The following ZNF841 variants were observed in gnomAD, a reference collection of about 807,000 sequenced individuals.
ZNF841 encodes the protein zinc finger protein 841.
In ZNF841, 11 loss-of-function variants were observed where a neutral mutation model predicts 13.0. The observed-to-expected ratio is 0.85, with a 90% CI of 0.53 to 1.40. The LOEUF (loss-of-function observed/expected upper bound fraction) is 1.40. Among genes scored for constraint, ZNF841 ranks in the 40% most tolerant of loss-of-function variants. ZNF841 has a pLI of 0.00. For missense variants in ZNF841, 1,068 were observed against 1,139.5 expected (o/e 0.94, Z 0.90); for synonymous variants, 369 against 381.6 (o/e 0.97, Z 0.38).
Position 52,066,151 on chromosome 19 carries a change from G to A in ZNF841, c.1731C>T (p.Val577=). The part of the protein sequence containing the change: ...KPLHCNKCGM[V]FTYYSCLARH... ...GTGCTAGGCATGAATAGTAAGTGAA[G>A]ACCATGCCACATTTATTACAATGGA... is the stretch of plus-strand genomic sequence containing the variant. The change falls in exon 7 of 7, where the codon GTC becomes GTT. Residue 577 remains valine (V), a synonymous_variant. Coordinates refer to ENST00000594440, the MANE Select transcript of ZNF841 (RefSeq NM_001136499.2). 1.2e-6 allele frequency: 2 copies of A among 1,613,898 alleles called. No individual in the cohort carries two copies. The highest frequency in any genetic ancestry group is 2.2e-5 in the East Asian group (1 of 44,870).
chr19:52,062,516 C>T (rs116944989), downstream of ZNF841, among the ~76,000 whole-genome samples: 4,010 of 152,210 alleles, frequency 0.026, 76 homozygotes, highest in Non-Finnish European at 0.043. Context: ...TTCCAGAAAA[C>T]ATGGATATGA....
Position 52,066,811 on chromosome 19 carries a change from A to C in ZNF841, c.1071T>G (p.Ser357Arg), listed in dbSNP as rs1200621627. The C allele has an allele frequency of 3.1e-6, 5 of 1,613,908 alleles. No individual in the cohort carries two copies. In the African/African-American group the frequency reaches 6.7e-5, roughly 22 times the overall value. ...TTCTCTGATGAACTGCAAGGTGGGA[A>C]CTTTTACTAAAGGACTTGCCACATT... ...CNECGKSFSK[S>R]SHLAVHQRIH... Residue 357 changes from serine to arginine, a missense_variant, in exon 7 of 7, where the codon AGT (serine) becomes AGG (arginine). Transcript: ENST00000594440.
rs182211654 is a variant in ZNF841 at position 52,077,995 on chromosome 19, A to G, written c.16-911T>C. 2.6e-5 allele frequency among the ~76,000 whole-genome samples: 4 copies of G among 152,324 alleles called. No individual in the cohort carries two copies. In the East Asian group the frequency reaches 7.7e-4, roughly 29 times the overall value. On this transcript the variant is annotated intron_variant, in intron 4 of 6. Transcript: ENST00000594440. ...GTTCAAGATTAACTTGGAACCGCAT[A>G]AAGGATCATTATATAGGCTAGGCGT...
At chr19:52,087,407 C>G (rs993177255) in intron 3 of ZNF841, among the ~76,000 whole-genome samples, 1 of 152,104 alleles carries the variant, frequency 6.6e-6, no homozygotes, top group Non-Finnish European at 1.5e-5. Context: ...TGTTGTTTCC[C>G]TCTATGTGTC....
chr19:52,059,368 A>AT, the ZNF841 span, among the ~76,000 whole-genome samples: 140 of 90,310 alleles, frequency 1.6e-3, no homozygotes, highest in African/African-American at 3.1e-3. Flanking sequence ...AAAAAAAAAA[A>AT]AAATATATAT....
intron 4 of ZNF841, among the ~76,000 whole-genome samples, chr19:52,078,674 G>C (rs1456639507): frequency 6.7e-6 from 1 of 149,498 alleles, no homozygotes; most frequent in African/African-American, 2.5e-5. Context: ...ACTCCAGCCT[G>C]GGTGACAGAG....
At chr19:52,069,731 C>T (rs1047304654) in intron 6 of ZNF841, among the ~76,000 whole-genome samples, 1 of 152,128 alleles carries the variant, frequency 6.6e-6, no homozygotes, top group African/African-American at 2.4e-5. Flanking sequence ...AGCCATGGCA[C>T]ACCAGAAAAA....
chr19:52,063,322 C>A (rs867497701), downstream of ZNF841, among the ~76,000 whole-genome samples: 1 of 152,052 alleles, frequency 6.6e-6, no homozygotes, highest in Admixed American at 6.6e-5. Context: ...TGTATAAATT[C>A]TCTCAAACTC....
intron 4 of ZNF841, 149 bp downstream of exon 4, chr19:52,084,638 G>A (rs1466843623): frequency 4.9e-5 from 40 of 821,290 alleles, no homozygotes; most frequent in Non-Finnish European, 7.0e-5. Flanking sequence ...GAATCTAAGT[G>A]CAGAAGAGAG....
chr19:52,075,429 A>G (rs998815195), intron 6 of ZNF841, among the ~76,000 whole-genome samples: 2 of 152,200 alleles, frequency 1.3e-5, no homozygotes, highest in Admixed American at 6.5e-5. Flanking sequence ...ATATGTAACA[A>G]TCTCAGGAGA....
intron 6 of ZNF841, among the ~76,000 whole-genome samples, chr19:52,070,307 G>A (rs2087703352): frequency 6.6e-6 from 1 of 152,264 alleles, no homozygotes; most frequent in East Asian, 1.9e-4. Flanking sequence ...GGGCGAATGC[G>A]GGAATAAAAG....
intron 6 of ZNF841, among the ~76,000 whole-genome samples, chr19:52,074,994 T>C (rs1238972793): frequency 6.6e-6 from 1 of 152,226 alleles, no homozygotes; most frequent in Admixed American, 6.5e-5. Context: ...TACTCTGGCT[T>C]TAATAGTTAC....
chr19:52,094,382 T>G (rs2088603138), intron 1 of ZNF841, among the ~76,000 whole-genome samples: 2 of 152,136 alleles, frequency 1.3e-5, no homozygotes, highest in Admixed American at 1.3e-4. Context: ...GGCTATGTGT[T>G]TCCCTCTCTC....
At chr19:52,091,547 C>G (rs1220688697) in intron 2 of ZNF841, among the ~76,000 whole-genome samples, 1 of 152,232 alleles carries the variant, frequency 6.6e-6, no homozygotes, top group East Asian at 1.9e-4. Flanking sequence ...ACATATACAA[C>G]TAGCCTTTGA....
At chr19:52,064,040 T>TG (rs2087450209), downstream of ZNF841, among the ~76,000 whole-genome samples, 1 of 152,010 alleles carries the variant, frequency 6.6e-6, no homozygotes, top group Non-Finnish European at 1.5e-5. Flanking sequence ...AGTGAACACT[T>TG]GCTTAAAACT....
At chr19:52,083,091 A>G (rs1157737406) in intron 4 of ZNF841, among the ~76,000 whole-genome samples, 1 of 152,108 alleles carries the variant, frequency 6.6e-6, no homozygotes, top group Non-Finnish European at 1.5e-5. Flanking sequence ...AAAAAAAAAA[A>G]AAAATGTACA....
At chr19:52,082,353 T>A (rs1016733443) in intron 4 of ZNF841, among the ~76,000 whole-genome samples, 1 of 152,232 alleles carries the variant, frequency 6.6e-6, no homozygotes, top group African/African-American at 2.4e-5. Context: ...CCAATCTTCA[T>A]ATGAACCTAT....
chr19:52,065,271 G>A lies in ZNF841; in HGVS notation c.2611C>T (p.His871Tyr). 1.2e-6 allele frequency: 2 copies of A among 1,613,928 alleles called. No individual in the cohort carries two copies. The highest frequency in any genetic ancestry group is 1.7e-6 in the Non-Finnish European group (2 of 1,179,860). Reference sequence around the variant, plus strand: ...CATTTATAAGGTTTTTCACTAGAATGAATTCGTTGGTGTTTAGTGAGGCAA... The same window carrying A: ...CATTTATAAGGTTTTTCACTAGAATAAATTCGTTGGTGTTTAGTGAGGCAA... ...RSCLTKHQRI[H>Y]SSEKPYKCNE... The change falls in exon 7 of 7, where the codon CAT becomes TAT. Residue 871 changes from histidine to tyrosine, a missense_variant. Physicochemically the swap from His to Tyr is moderately conservative, Grantham distance 83. Transcript: ENST00000594440.
At chr19:52,064,132 CAGG>C (rs1334004136), downstream of ZNF841, among the ~76,000 whole-genome samples, 1 of 151,776 alleles carries the variant, frequency 6.6e-6, no homozygotes, top group Non-Finnish European at 1.5e-5. Context: ...ATCATGAGGT[CAGG>C]AGATCGAGAC....
Sources: allele counts gnomAD v4.1 joint callset (sites outside exome capture counted in the v4.1 genomes callset), GRCh38; gene constraint gnomAD v4.1.1; transcripts MANE v1.5; gene names NCBI Gene and HGNC (gene_info 2026-07-23, HGNC 2026-07-21).